The following STON1 variants were observed in gnomAD, a reference collection of about 807,000 sequenced individuals.
STON1 encodes the protein stonin 1.
A neutral mutation model predicts 60.9 loss-of-function variants in STON1; 79 were observed. That is an observed-to-expected ratio of 1.30 (90% CI 1.08 to 1.56). The LOEUF (loss-of-function observed/expected upper bound fraction) is 1.56, where lower values mean the gene tolerates loss of function less well. Among genes scored for constraint, STON1 ranks in the 40% most tolerant of loss-of-function variants. The pLI is 0.00. For synonymous variants in STON1, 363 were observed against 306.9 expected, an observed-to-expected ratio of 1.18 and a Z score of -1.91; for missense variants, 1,166 against 858.9, an observed-to-expected ratio of 1.36 and a Z score of -4.47.
At chr2:48,583,750 T>C (rs1202742735) in intron 2 of STON1, among the ~76,000 whole-genome samples, 5 of 148,934 alleles carry the variant, frequency 3.4e-5, no homozygotes, top group African/African-American at 1.2e-4. Flanking sequence ...CAAATCTTTT[T>C]TTTCTTTTTT....
intron 1 of STON1, among the ~76,000 whole-genome samples, chr2:48,546,858 G>A (rs1217453563): frequency 6.6e-6 from 1 of 152,106 alleles, no homozygotes; most frequent in Non-Finnish European, 1.5e-5. Flanking sequence ...GAGCTGCTGT[G>A]CCTGGCTATA....
chr2:48,594,156 C>T (rs781153426), intron 3 of STON1, among the ~76,000 whole-genome samples: 1 of 152,112 alleles, frequency 6.6e-6, no homozygotes, highest in East Asian at 1.9e-4. Flanking sequence ...TTGAACTCAA[C>T]GGCACTCTCC....
intron 1 of STON1, among the ~76,000 whole-genome samples, chr2:48,553,719 C>T (rs1236948106): frequency 6.6e-6 from 1 of 152,126 alleles, no homozygotes; most frequent in African/African-American, 2.4e-5. Context: ...AACTCCTGAT[C>T]TCAAGTGATG....
At position 48,581,108 on chromosome 2, in the gene STON1, C is replaced by T. The variant is rs1244685604; in HGVS notation, c.475C>T (p.Gln159Ter). The change falls in exon 2 of 4, where the codon CAG becomes TAG. Residue 159 changes from glutamine (Q) to a stop codon, truncating the protein, a stop_gained. Coordinates refer to ENST00000404752, the MANE Select transcript of STON1 (RefSeq NM_006873.4). LOFTEE classifies it high-confidence loss of function. ...TCTTCCAGATGAAGTTAATCCTCAA[C>T]AGGCTGAAAGCCTAGGATTCCAAAG... ...VGLPDEVNPQ[Q>*]AESLGFQSDD... is the part of the protein sequence containing the mutation. 1 of 1,600,992 alleles carries T rather than the reference C, an allele frequency of 6.2e-7. No individual in the cohort carries two copies. Among genetic ancestry groups the T allele is most frequent in the Non-Finnish European group, 8.5e-7 (1 of 1,175,250 alleles).
chr2:48,555,309 G>A (rs1350153330), intron 1 of STON1, among the ~76,000 whole-genome samples: 3 of 58,236 alleles, frequency 5.2e-5, no homozygotes, highest in Non-Finnish European at 7.6e-5. Flanking sequence ...GCGGCTGGCC[G>A]GGCGGGGGGG....
At chr2:48,561,443 T>C (rs1672607446) in intron 1 of STON1, among the ~76,000 whole-genome samples, 1 of 152,242 alleles carries the variant, frequency 6.6e-6, no homozygotes, top group African/African-American at 2.4e-5. Context: ...TCAACTCTGA[T>C]AGCATCATTT....
intron 1 of STON1, among the ~76,000 whole-genome samples, chr2:48,537,280 C>G (rs1671466658): frequency 6.6e-6 from 1 of 152,140 alleles, no homozygotes; most frequent in African/African-American, 2.4e-5. Context: ...AAACTAAGAA[C>G]TTTGCTCTAT....
At chr2:48,585,133 C>T (rs959123608) in intron 2 of STON1, among the ~76,000 whole-genome samples, 8 of 152,164 alleles carry the variant, frequency 5.3e-5, no homozygotes, top group African/African-American at 1.9e-4. Flanking sequence ...GGTGATGGTG[C>T]AGCCTGGTCA....
chr2:48,564,480 T>TTCTTCTTCCTTCTTC (rs1558604783), intron 1 of STON1, among the ~76,000 whole-genome samples: 2 of 32,480 alleles, frequency 6.2e-5, no homozygotes, highest in African/African-American at 1.2e-4. Context: ...CTTCTTCTTC[T>TTCTTCTTCCTTCTTC]TTCTTCTTCT....
At chr2:48,577,819 T>C (rs1465708010) in intron 1 of STON1, among the ~76,000 whole-genome samples, 2 of 151,904 alleles carry the variant, frequency 1.3e-5, no homozygotes, top group African/African-American at 2.4e-5. Flanking sequence ...TTTCACCATG[T>C]TGCCCAGGCT....
intron 1 of STON1, among the ~76,000 whole-genome samples, chr2:48,575,526 G>A (rs896988495): frequency 3.3e-5 from 5 of 151,790 alleles, no homozygotes; most frequent in Non-Finnish European, 7.4e-5. Context: ...GGTGGTGCAT[G>A]CCTGTAATCC....
chr2:48,532,280 C>T (rs1392281484), intron 1 of STON1, among the ~76,000 whole-genome samples: 3 of 151,452 alleles, frequency 2.0e-5, no homozygotes, highest in Non-Finnish European at 2.9e-5. Flanking sequence ...ACCTGGGAGG[C>T]GGAGGTTGCA....
intron 1 of STON1, among the ~76,000 whole-genome samples, chr2:48,563,675 T>C (rs557657228): frequency 7.0e-6 from 1 of 143,168 alleles, no homozygotes; most frequent in African/African-American, 2.5e-5. Context: ...CGTGGCTTTT[T>C]TTGTTTGTTT....
intron 1 of STON1, among the ~76,000 whole-genome samples, chr2:48,571,278 C>T (rs763101332): frequency 7.9e-5 from 12 of 152,024 alleles, no homozygotes; most frequent in Non-Finnish European, 5.9e-5. Context: ...GAGGGAAAAG[C>T]CAGGGAATCA....
chr2:48,589,035 AGGT>A (rs1674368055), intron 2 of STON1, among the ~76,000 whole-genome samples: 1 of 152,188 alleles, frequency 6.6e-6, no homozygotes, highest in African/African-American at 2.4e-5. Context: ...TAGCCAGAGG[AGGT>A]GTATATGGTG....
chr2:48,564,467 CTTCTTCTTCTTCTTTCTT>C (rs1672771406), intron 1 of STON1, among the ~76,000 whole-genome samples: 3 of 55,906 alleles, frequency 5.4e-5, no homozygotes, highest in African/African-American at 2.1e-4. Flanking sequence ...TCTTCTTCTT[CTTCTTCTTCTTCTTTCTT>C]CTTCTTCTTC....
intron 1 of STON1, among the ~76,000 whole-genome samples, chr2:48,538,795 T>C (rs1194739920): frequency 6.7e-6 from 1 of 149,820 alleles, no homozygotes; most frequent in Non-Finnish European, 1.5e-5. Context: ...TTTTTATATT[T>C]TCTGTAGAGA....
rs1047827248 is a variant in STON1, at chr2:48,580,983, CAGG to C, written c.356_358del (p.Gly119del). Reference sequence around the variant, plus strand: ...TCTTCAGACAGCCCACTCGCAATATCAGGAGGAGAATCTTCCTTACTGCCTACC... The same window carrying C: ...TCTTCAGACAGCCCACTCGCAATATCAGGAGAATCTTCCTTACTGCCTACC... On this transcript the variant is annotated inframe_deletion, in exon 2 of 4. Transcript: ENST00000404752. 6.4e-7 allele frequency: 1 copy of C among 1,574,616 alleles called. No individual in the cohort carries two copies. Among genetic ancestry groups the C allele is most frequent in the Admixed American group, 1.9e-5 (1 of 52,584 alleles).
intron 1 of STON1, among the ~76,000 whole-genome samples, chr2:48,555,390 G>A (rs1427538168): frequency 1.7e-5 from 1 of 57,478 alleles, no homozygotes; most frequent in Non-Finnish European, 3.6e-5. Flanking sequence ...TTCCCAGTAG[G>A]GGCGGCCGGG....
Sources: allele counts gnomAD v4.1 joint callset (sites outside exome capture counted in the v4.1 genomes callset), GRCh38; gene constraint gnomAD v4.1.1; transcripts MANE v1.5; gene names NCBI Gene and HGNC (gene_info 2026-07-23, HGNC 2026-07-21).